CSNK2A1: variants seen among roughly 807,000 people sequenced by gnomAD.
CSNK2A1 encodes the protein casein kinase II subunit alpha.
Under a neutral mutation model 62.9 loss-of-function variants are expected in CSNK2A1, and 10 were observed. The ratio of observed to expected loss-of-function variants is 0.16; its 90% CI spans 0.10 to 0.27. CSNK2A1 has a LOEUF of 0.27. Ranked by LOEUF, CSNK2A1 falls within the 10% of genes least tolerant of loss-of-function variation. The pLI is 1.00. For missense variants in CSNK2A1, 160 were observed against 492.0 expected, an observed-to-expected ratio of 0.33 and a Z score of 6.38; for synonymous variants, 124 against 167.8, an observed-to-expected ratio of 0.74 and a Z score of 2.02.
At chr20:508,831 A>G (rs751016633) in intron 2 of CSNK2A1, among the ~76,000 whole-genome samples, 171 bp from the exon 3 acceptor site, 1 of 152,172 alleles carries the variant, frequency 6.6e-6, no homozygotes, top group Non-Finnish European at 1.5e-5. Context: ...TGAGAAGAAA[A>G]ATCCCAAGAA....
Position 478,764 on chromosome 20 carries a change from CCAA to C in CSNK2A1, c.*5194_*5196del. ...GCAACACGGCAAAACTTCATCTCTA[CCAA>C]AAAAAAAAAAAAAAAAATTAGCCAA... On this transcript the variant is annotated 3_prime_UTR_variant, in exon 14 of 14. Coordinates refer to ENST00000217244, the MANE Select transcript of CSNK2A1 (RefSeq NM_177559.3). 4.9e-6 allele frequency: 1 copy of C among 204,652 alleles called. No individual in the cohort carries two copies. The highest frequency in any genetic ancestry group is 9.4e-6 in the Non-Finnish European group (1 of 106,236). 12.7% of individuals were successfully genotyped at this position (204,652 alleles called of 1,614,324 possible).
At chr20:514,228 CAGGT>C (rs2018783452) in intron 2 of CSNK2A1, among the ~76,000 whole-genome samples, 1 of 151,780 alleles carries the variant, frequency 6.6e-6, no homozygotes, top group Non-Finnish European at 1.5e-5. Context: ...ACTGTGGTCC[CAGGT>C]ACTTGGTAGG....
intron 1 of CSNK2A1, among the ~76,000 whole-genome samples, chr20:531,967 A>T (rs2019221698): frequency 6.6e-6 from 1 of 152,216 alleles, no homozygotes; most frequent in African/African-American, 2.4e-5. Context: ...AATTGTTCAC[A>T]GTCTTGTATT....
At chr20:536,472 T>A (rs891000876) in intron 1 of CSNK2A1, among the ~76,000 whole-genome samples, 3 of 152,186 alleles carry the variant, frequency 2.0e-5, no homozygotes, top group African/African-American at 7.2e-5. Context: ...CTAATTCCCA[T>A]GTTACAGGTG....
intron 1 of CSNK2A1, among the ~76,000 whole-genome samples, chr20:532,330 ATTTTTTT>A (rs138287291): frequency 6.6e-5 from 8 of 122,002 alleles, no homozygotes; most frequent in South Asian, 2.8e-4. Flanking sequence ...TGCCCGGCTA[ATTTTTTT>A]TTTTTTTTTT....
chr20:535,034 CAAAAAAAA>C (rs11469217), intron 1 of CSNK2A1, among the ~76,000 whole-genome samples: 767 of 50,854 alleles, frequency 0.015, 16 homozygotes, highest in East Asian at 0.13. Flanking sequence ...TGCTATCTCC[CAAAAAAAA>C]AAAAAAAAAA....
intron 3 of CSNK2A1, chr20:506,542 A>C (rs985141755): frequency 6.6e-6 from 1 of 152,198 alleles, no homozygotes; most frequent in Non-Finnish European, 1.5e-5. Context: ...CCTGCTTCCA[A>C]TGTAGAGCGC....
chr20:503,266 C>T, intron 4 of CSNK2A1: 1 of 378,476 alleles, frequency 2.6e-6, no homozygotes, highest in African/African-American at 2.1e-5. Context: ...CACTTTAGCC[C>T]CTCGAGGACC....
intron 1 of CSNK2A1, among the ~76,000 whole-genome samples, chr20:528,437 T>C (rs2019142605): frequency 6.6e-6 from 1 of 152,180 alleles, no homozygotes; most frequent in African/African-American, 2.4e-5. Flanking sequence ...ATTCTTGGGA[T>C]TTATCATTTT....
At chr20:497,674 AAAAG>A in intron 7 of CSNK2A1, 43 bp downstream of exon 7, 1 of 1,512,572 alleles carries the variant, frequency 6.6e-7, no homozygotes, top group South Asian at 1.1e-5. Context: ...CTATTTAACA[AAAAG>A]AAGACCAATT....
At chr20:496,543 T>C (rs1264878442) in intron 7 of CSNK2A1, 1 of 152,252 alleles carries the variant, frequency 6.6e-6, no homozygotes, top group East Asian at 1.9e-4. Flanking sequence ...ATTCTTGTCC[T>C]TCCTGAAGGG....
intron 2 of CSNK2A1, among the ~76,000 whole-genome samples, chr20:518,713 ATTTTTTTTTT>A (rs10534951): frequency 2.5e-5 from 3 of 120,960 alleles, no homozygotes; most frequent in Non-Finnish European, 3.3e-5. Context: ...CGCCCGGCTA[ATTTTTTTTTT>A]TTTTTTTTTT....
At chr20:518,117 C>CA (rs2018865109) in intron 2 of CSNK2A1, among the ~76,000 whole-genome samples, 1 of 152,174 alleles carries the variant, frequency 6.6e-6, no homozygotes, top group Non-Finnish European at 1.5e-5. Context: ...AGGCATGTGT[C>CA]ACCACACCTG....
intron 13 of CSNK2A1, 63 bp from the exon 14 acceptor site, chr20:484,139 A>G (rs914848684): frequency 3.8e-6 from 5 of 1,327,916 alleles, no homozygotes; most frequent in Non-Finnish European, 5.1e-6. Flanking sequence ...CCAGTTTCTC[A>G]TAGCACTCAC....
chr20:535,381 T>C (rs187830498), intron 1 of CSNK2A1, among the ~76,000 whole-genome samples: 29 of 152,334 alleles, frequency 1.9e-4, no homozygotes, highest in Middle Eastern at 3.4e-3. Context: ...TGCTAGGCAA[T>C]AGTCTATTTT....
chr20:492,033 C>A (rs546047425), intron 9 of CSNK2A1, among the ~76,000 whole-genome samples: 4 of 152,208 alleles, frequency 2.6e-5, no homozygotes, highest in Admixed American at 2.6e-4. Context: ...GGATCAAATG[C>A]AAACCTATTC....
intron 1 of CSNK2A1, among the ~76,000 whole-genome samples, chr20:530,189 A>G (rs556390561): frequency 6.6e-6 from 1 of 152,200 alleles, no homozygotes; most frequent in South Asian, 2.1e-4. Flanking sequence ...GGCAACCAAT[A>G]ATCTGCTTTC....
chr20:500,038 C>T, intron 4 of CSNK2A1, 104 bp from the exon 5 acceptor site: 2 of 850,856 alleles, frequency 2.4e-6, no homozygotes, highest in Non-Finnish European at 1.9e-6. Flanking sequence ...TACTTATGAG[C>T]ACACCTTGAA....
chr20:496,084 TTC>T (rs1024924545), intron 7 of CSNK2A1: 24 of 350,146 alleles, frequency 6.9e-5, no homozygotes, highest in African/African-American at 3.7e-4. Flanking sequence ...CTTCAAATTT[TTC>T]TGTCTTGTCC....
Sources: gnomAD v4.1 joint callset for allele counts (sites outside exome capture counted in the v4.1 genomes callset) on GRCh38, gnomAD v4.1.1 for gene constraint, MANE v1.5 for transcripts, NCBI Gene and HGNC (gene_info 2026-07-23, HGNC 2026-07-21) for gene names.